The following TM2D1 variants were observed in gnomAD, a reference collection of about 807,000 sequenced individuals.
TM2D1 encodes TM2 domain-containing protein 1.
In TM2D1, 15 loss-of-function variants were observed where a neutral mutation model predicts 28.4. The ratio of observed to expected loss-of-function variants is 0.53; its 90% CI spans 0.35 to 0.81. The LOEUF (loss-of-function observed/expected upper bound fraction) is 0.81. Among genes scored for constraint, TM2D1 ranks in the 40% least tolerant of loss-of-function variants. TM2D1 has a pLI of 0.01. For synonymous variants in TM2D1, 93 were observed against 96.2 expected (o/e 0.97, Z 0.20); for missense variants, 236 against 254.9 (o/e 0.93, Z 0.50).
chr1:61,690,456 CAAAAAAAAAAAAAA>C (rs762550068), intron 5 of TM2D1, among the ~76,000 whole-genome samples: 1 of 60,048 alleles, frequency 1.7e-5, no homozygotes, highest in Non-Finnish European at 2.9e-5. Context: ...GACTCAGTCT[CAAAAAAAAAAAAAA>C]AAAAAAAAAA....
intron 6 of TM2D1, among the ~76,000 whole-genome samples, chr1:61,682,223 A>G (rs1355742591): frequency 2.6e-5 from 4 of 152,184 alleles, no homozygotes; most frequent in African/African-American, 9.6e-5. Flanking sequence ...CAGTCCTTTG[A>G]GATAGAGTTG....
chr1:61,700,136 G>C (rs1644391310), intron 4 of TM2D1: 2 of 1,493,310 alleles, frequency 1.3e-6, no homozygotes, highest in South Asian at 2.7e-5. Context: ...CTAGCTGAGT[G>C]TCCTTGGGTA....
chr1:61,686,058 A>T (rs1181680240), intron 5 of TM2D1, among the ~76,000 whole-genome samples: 1 of 152,178 alleles, frequency 6.6e-6, no homozygotes, highest in Non-Finnish European at 1.5e-5. Context: ...ACTGAAAGGA[A>T]AACTTGGAAG....
chr1:61,691,360 T>C (rs1388001038), intron 5 of TM2D1, among the ~76,000 whole-genome samples: 1 of 151,574 alleles, frequency 6.6e-6, no homozygotes, highest in Non-Finnish European at 1.5e-5. Flanking sequence ...CCGGGCATAG[T>C]GGTGCGTGCC....
chr1:61,689,880 A>C (rs1202630450), intron 5 of TM2D1, among the ~76,000 whole-genome samples: 3 of 152,128 alleles, frequency 2.0e-5, no homozygotes, highest in African/African-American at 7.2e-5. Context: ...ATTTAGCCCT[A>C]TTATGTTTTG....
At chr1:61,708,841 T>G (rs1366856457) in intron 3 of TM2D1, among the ~76,000 whole-genome samples, 1 of 151,650 alleles carries the variant, frequency 6.6e-6, no homozygotes, top group African/African-American at 2.4e-5. Flanking sequence ...TCTACTTGAT[T>G]GGTGAATTGC....
At chr1:61,691,590 T>C (rs1219434875) in intron 5 of TM2D1, among the ~76,000 whole-genome samples, 1 of 151,116 alleles carries the variant, frequency 6.6e-6, no homozygotes, top group African/African-American at 2.4e-5. Flanking sequence ...AAAAAACTCG[T>C]ATTATCTAAT....
At chr1:61,721,157 G>T (rs941551103) in intron 2 of TM2D1, among the ~76,000 whole-genome samples, 1 of 152,098 alleles carries the variant, frequency 6.6e-6, no homozygotes, top group African/African-American at 2.4e-5. Flanking sequence ...CCTGAGCCTG[G>T]GAGGTGGAGG....
At chr1:61,691,658 A>G (rs1286640) in intron 5 of TM2D1, among the ~76,000 whole-genome samples, 151,178 of 151,550 alleles carry the variant, frequency 1, 75,404 homozygotes, top group Middle Eastern at 1. Context: ...GCTTATGCCT[A>G]TAATCCCAGC....
intron 4 of TM2D1, among the ~76,000 whole-genome samples, 191 bp from the exon 5 acceptor site, chr1:61,694,961 A>C (rs895161090): frequency 2.0e-5 from 3 of 152,048 alleles, no homozygotes; most frequent in Admixed American, 6.6e-5. Flanking sequence ...TCTACACAGA[A>C]ATGCCAAAAA....
intron 3 of TM2D1, among the ~76,000 whole-genome samples, chr1:61,701,917 G>A (rs1644404484): frequency 1.3e-5 from 2 of 152,122 alleles, no homozygotes; most frequent in South Asian, 2.1e-4. Flanking sequence ...CAAGACGGGC[G>A]CGGTGGCACA....
At chr1:61,694,820 T>A (rs1644352541) in intron 4 of TM2D1, 50 bp from the exon 5 acceptor site, 3 of 1,167,380 alleles carry the variant, frequency 2.6e-6, no homozygotes, top group South Asian at 3.1e-5. Context: ...TTCTAAATAT[T>A]AACAAACTGC....
intron 3 of TM2D1, among the ~76,000 whole-genome samples, chr1:61,707,020 C>G (rs535888860): frequency 6.6e-6 from 1 of 152,096 alleles, no homozygotes; most frequent in Admixed American, 6.6e-5. Flanking sequence ...CTTGAGAGCC[C>G]GAGGCGGGCT....
intron 3 of TM2D1, among the ~76,000 whole-genome samples, chr1:61,702,750 T>TTA (rs111311651): frequency 0.015 from 2,170 of 149,482 alleles, 36 homozygotes; most frequent in African/African-American, 0.038. Context: ...ATTTTAGGCC[T>TTA]TATATATATA....
intron 3 of TM2D1, among the ~76,000 whole-genome samples, chr1:61,703,731 TATA>T (rs1335881903): frequency 7.1e-4 from 55 of 77,590 alleles, no homozygotes; most frequent in South Asian, 6.2e-3. Flanking sequence ...TATATATATA[TATA>T]TATATATATA....
chr1:61,696,670 G>A (rs2148043899), intron 4 of TM2D1, among the ~76,000 whole-genome samples: 1 of 151,670 alleles, frequency 6.6e-6, no homozygotes, highest in Admixed American at 6.6e-5. Flanking sequence ...CTTTTTTTGT[G>A]CCATTTTCCA....
intron 2 of TM2D1, among the ~76,000 whole-genome samples, chr1:61,716,380 A>C (rs943624052): frequency 3.4e-5 from 5 of 146,070 alleles, no homozygotes; most frequent in Admixed American, 7.0e-5. Flanking sequence ...TAATTATATA[A>C]TTTTATATAT....
chr1:61,701,310 C>CAAAAAAAAAAAAAAAAAAAAAAAA (rs10587870), intron 3 of TM2D1, among the ~76,000 whole-genome samples: 1 of 84,042 alleles, frequency 1.2e-5, no homozygotes, highest in Non-Finnish European at 2.2e-5. Flanking sequence ...TAAATGTTAA[C>CAAAAAAAAAAAAAAAAAAAAAAAA]AAAAAAAAAA....
chr1:61,696,949 G>C (rs1397825251), intron 4 of TM2D1, among the ~76,000 whole-genome samples: 1 of 151,764 alleles, frequency 6.6e-6, no homozygotes, highest in Non-Finnish European at 1.5e-5. Flanking sequence ...TACCTCTCAG[G>C]AATGAATGAA....
Sources: allele counts gnomAD v4.1 joint callset (sites outside exome capture counted in the v4.1 genomes callset), GRCh38; gene constraint gnomAD v4.1.1; transcripts MANE v1.5; gene names NCBI Gene and HGNC (gene_info 2026-07-23, HGNC 2026-07-21).